TDRKH: variants seen among roughly 807,000 people sequenced by gnomAD.
TDRKH encodes tudor and KH domain containing, also known as tudor and KH domain-containing protein.
TDRKH carries 28 observed loss-of-function variants against 61.3 expected under a neutral mutation model. That is an observed-to-expected ratio of 0.46 (90% CI 0.34 to 0.63). The LOEUF is 0.63. TDRKH is among the 20% of genes least tolerant of loss of function. TDRKH has a pLI of 0.01. For synonymous variants in TDRKH, 219 were observed against 244.4 expected (o/e 0.90, Z 0.97); for missense variants, 540 against 683.4 (o/e 0.79, Z 2.34).
At chr1:151,771,368 GGTTGACT>G (rs1648698216), downstream of TDRKH, 1 of 1,453,112 alleles carries the variant, frequency 6.9e-7, no homozygotes, top group Non-Finnish European at 9.0e-7. Context: ...TGGGTAATAG[GGTTGACT>G]GGAGTGGGAT....
chr1:151,789,184 C>T (rs1650650766), intron 1 of TDRKH, among the ~76,000 whole-genome samples: 1 of 152,140 alleles, frequency 6.6e-6, no homozygotes, highest in African/African-American at 2.4e-5. Flanking sequence ...CGGTTTTGGC[C>T]GACTTCTATT....
At chr1:151,767,054 A>T (rs1648389831), downstream of TDRKH, 3 of 1,495,198 alleles carry the variant, frequency 2.0e-6, no homozygotes, top group Non-Finnish European at 2.7e-6. Context: ...AGGAACATAG[A>T]AACAGGCTGG....
At position 151,776,602 on chromosome 1, in the gene TDRKH, G is replaced by A. The variant is rs764347281; in HGVS notation, c.884-3C>T. The stretch of plus-strand genomic sequence containing the variant: ...AAAACTGAAGTCAGGACTGGGGACT[G>A]AACACAGAGATAAGGATGGTGGCCA... On this transcript the variant is annotated splice_polypyrimidine_tract_variant and splice_region_variant and intron_variant, in intron 6 of 12. Coordinates refer to ENST00000368824, the MANE Select transcript of TDRKH (RefSeq NM_001083965.2). 13 of 1,613,904 alleles carry A rather than the reference G, an allele frequency of 8.1e-6. No homozygotes were observed. The Admixed American group carries it at 1.0e-4, about 12-fold the overall frequency.
intron 9 of TDRKH, 107 bp from the exon 10 acceptor site, chr1:151,775,650 G>C: frequency 1.3e-6 from 2 of 1,518,484 alleles, no homozygotes; most frequent in South Asian, 2.6e-5. Context: ...GTCTTCTCTG[G>C]TTGGGTTGGG....
At chr1:151,781,328 A>AAAAAAAATATATATAT (rs1491536697) in intron 3 of TDRKH, among the ~76,000 whole-genome samples, 153 bp downstream of exon 3, 8 of 68,600 alleles carry the variant, frequency 1.2e-4, no homozygotes, top group Non-Finnish European at 2.7e-4. Flanking sequence ...AAAAAAAAAA[A>AAAAAAAATATATATAT]ATATATATAT....
At chr1:151,787,635 G>A (rs1317664357) in intron 1 of TDRKH, among the ~76,000 whole-genome samples, 1 of 151,984 alleles carries the variant, frequency 6.6e-6, no homozygotes, top group Non-Finnish European at 1.5e-5. Context: ...GAAGGAGGAA[G>A]AAGAATTTCT....
downstream of TDRKH, chr1:151,766,982 C>A: frequency 1.4e-6 from 2 of 1,395,004 alleles, no homozygotes; most frequent in African/African-American, 1.4e-5. Context: ...CAAGAAATAA[C>A]AACAGAATAG....
At chr1:151,781,328 A>ATATATATAT (rs1553282748) in intron 3 of TDRKH, among the ~76,000 whole-genome samples, 153 bp downstream of exon 3, 9 of 68,594 alleles carry the variant, frequency 1.3e-4, no homozygotes, top group South Asian at 3.7e-4. Context: ...AAAAAAAAAA[A>ATATATATAT]ATATATATAT....
At chr1:151,790,061 CG>C (rs1650760164) in intron 1 of TDRKH, among the ~76,000 whole-genome samples, 1 of 152,212 alleles carries the variant, frequency 6.6e-6, no homozygotes, top group African/African-American at 2.4e-5. Flanking sequence ...AAGTGATATA[CG>C]GATGGCAGCT....
intron 1 of TDRKH, among the ~76,000 whole-genome samples, chr1:151,783,935 T>C (rs1457136322): frequency 6.6e-6 from 1 of 152,266 alleles, no homozygotes; most frequent in African/African-American, 2.4e-5. Context: ...GAGTTTCTCT[T>C]TGACACTGTA....
At chr1:151,777,144 T>C (rs909267070) in intron 6 of TDRKH, among the ~76,000 whole-genome samples, 6 of 152,174 alleles carry the variant, frequency 3.9e-5, no homozygotes, top group African/African-American at 1.4e-4. Context: ...GAATTTTACT[T>C]GTTGATAAAG....
At chr1:151,767,079 A>G, downstream of TDRKH, 1 of 1,544,644 alleles carries the variant, frequency 6.5e-7, no homozygotes, top group Non-Finnish European at 8.8e-7. Context: ...CAGAAAATAC[A>G]GAAGATCATG....
At chr1:151,766,883 T>C (rs774040423), downstream of TDRKH, 4 of 1,607,084 alleles carry the variant, frequency 2.5e-6, no homozygotes. Context: ...CTCGTTGTTA[T>C]AAAAGGTACT....
chr1:151,790,103 C>A (rs1440363426), intron 1 of TDRKH, among the ~76,000 whole-genome samples: 3 of 152,236 alleles, frequency 2.0e-5, no homozygotes, highest in African/African-American at 7.2e-5. Flanking sequence ...GTGGAAGAGT[C>A]TGAACTGACT....
chr1:151,778,650 T>G, intron 6 of TDRKH, 35 bp downstream of exon 6: 1 of 1,606,928 alleles, frequency 6.2e-7, no homozygotes, highest in Non-Finnish European at 8.5e-7. Context: ...TATTTCTATC[T>G]TCAATGATTA....
At chr1:151,770,841 CTA>C (rs776331777), downstream of TDRKH, among the ~76,000 whole-genome samples, 5 of 152,104 alleles carry the variant, frequency 3.3e-5, no homozygotes, top group Non-Finnish European at 7.3e-5. Flanking sequence ...GAGGAAGGTT[CTA>C]TGATTTATAA....
At chr1:151,789,359 A>C (rs1298282253) in intron 1 of TDRKH, among the ~76,000 whole-genome samples, 5 of 152,210 alleles carry the variant, frequency 3.3e-5, no homozygotes, top group Non-Finnish European at 1.5e-5. Context: ...TCTCTTAAAG[A>C]GAAATGGAAA....
At chr1:151,771,250 G>A (rs772903637), downstream of TDRKH, 103 of 1,606,478 alleles carry the variant, frequency 6.4e-5, no homozygotes, top group Non-Finnish European at 8.6e-5. Context: ...TGAGGGGCTG[G>A]AAGCCTTGAC....
Position 151,783,056 on chromosome 1 carries a change from C to T in TDRKH, c.-27-7G>A. The stretch of plus-strand genomic sequence containing the variant: ...GTACTCTTTGACTTATATCCTGAAA[C>T]AAGCAAAGCAGGGAAAAGAGGGAGG... On this transcript the variant is annotated splice_polypyrimidine_tract_variant and splice_region_variant and intron_variant, in intron 1 of 12. Coordinates refer to ENST00000368824, the MANE Select transcript of TDRKH (RefSeq NM_001083965.2). 1.2e-6 allele frequency: 2 copies of T among 1,603,428 alleles called. No homozygotes were observed. Among genetic ancestry groups the T allele is most frequent in the Admixed American group, 1.7e-5 (1 of 58,428 alleles).
Sources: allele counts gnomAD v4.1 joint callset (sites outside exome capture counted in the v4.1 genomes callset), GRCh38; gene constraint gnomAD v4.1.1; transcripts MANE v1.5; gene names NCBI Gene and HGNC (gene_info 2026-07-23, HGNC 2026-07-21).